Variants in CTNNBL1 observed in about 807,000 individuals in gnomAD.
CTNNBL1 encodes the protein beta-catenin-like protein 1.
CTNNBL1 carries 31 observed loss-of-function variants against 72.7 expected under a neutral mutation model. The ratio of observed to expected loss-of-function variants is 0.43; its 90% confidence interval spans 0.32 to 0.58. The LOEUF (loss-of-function observed/expected upper bound fraction) is 0.58. Among genes scored for constraint, CTNNBL1 ranks in the 20% least tolerant of loss-of-function variants. CTNNBL1 has a pLI of 0.08. For missense variants in CTNNBL1, 534 were observed against 725.1 expected, an observed-to-expected ratio of 0.74 and a Z score of 3.03; for synonymous variants, 240 against 267.3, an observed-to-expected ratio of 0.90 and a Z score of 1.00.
intron 15 of CTNNBL1, among the ~76,000 whole-genome samples, chr20:37,868,769 G>T (rs1443844778): frequency 6.6e-6 from 1 of 152,134 alleles, no homozygotes; most frequent in Non-Finnish European, 1.5e-5. Context: ...TCCCTAGAAA[G>T]AACTCAGGGA....
chr20:37,738,238 A>G (rs1315770054), intron 3 of CTNNBL1, among the ~76,000 whole-genome samples: 4 of 152,256 alleles, frequency 2.6e-5, no homozygotes, highest in Non-Finnish European at 5.9e-5. Flanking sequence ...TGAATAAGTT[A>G]CTTCCCCTTT....
intron 1 of CTNNBL1, among the ~76,000 whole-genome samples, chr20:37,714,588 G>C (rs1041636417): frequency 6.6e-6 from 1 of 152,178 alleles, no homozygotes; most frequent in Non-Finnish European, 1.5e-5. Context: ...AAAGGCTATT[G>C]CTGTCTCTGA....
Position 37,836,627 on chromosome 20 carries a change from A to G in CTNNBL1, c.1214-3475A>G, listed in dbSNP as rs929845279. 3.3e-5 allele frequency among the ~76,000 whole-genome samples: 5 copies of G among 152,144 alleles called. No homozygotes were observed. The South Asian group carries it at 6.2e-4, about 19-fold the overall frequency. On this transcript the variant is annotated intron_variant, in intron 11 of 15. Coordinates refer to ENST00000361383, the MANE Select transcript of CTNNBL1 (RefSeq NM_030877.5). ...GTAATGGAACTTGTTACACAGTGCTATAATTGTTTTGTTTTCTTCACTAAA... is the reference window on the plus strand; with the variant it reads ...GTAATGGAACTTGTTACACAGTGCTGTAATTGTTTTGTTTTCTTCACTAAA...
Position 37,802,954 on chromosome 20 carries a change from T to A in CTNNBL1, c.1119T>A (p.Phe373Leu), listed in dbSNP as rs1170718978. Reference protein sequence around the residue: ...GPEGTDNCHKFVDILGLRTIF... With the variant: ...GPEGTDNCHKLVDILGLRTIF... ...AAGGCACAGACAACTGCCATAAGTT[T>A]GTTGACATTCTTGGCTTACGAACCA... Residue 373 changes from phenylalanine (F) to leucine (L), a missense_variant, in exon 11 of 16, where the codon TTT becomes TTA. By Grantham distance (22) the Phe-to-Leu change is conservative. Coordinates refer to ENST00000361383, the MANE Select transcript of CTNNBL1 (RefSeq NM_030877.5). 1.2e-6 allele frequency: 2 copies of A among 1,614,020 alleles called. No individual in the cohort carries two copies. Among genetic ancestry groups the A allele is most frequent in the African/African-American group, 2.7e-5 (2 of 74,912 alleles).
intron 1 of CTNNBL1, among the ~76,000 whole-genome samples, chr20:37,708,866 C>T (rs1027377982): frequency 7.2e-5 from 11 of 152,078 alleles, no homozygotes; most frequent in African/African-American, 1.2e-4. Context: ...TGGCCAGGCG[C>T]GGTGGCTCAC....
intron 7 of CTNNBL1, among the ~76,000 whole-genome samples, chr20:37,774,887 G>A (rs2122683773): frequency 6.6e-6 from 1 of 152,084 alleles, no homozygotes; most frequent in East Asian, 1.9e-4. Flanking sequence ...CAAATAAGTG[G>A]GATTTTTTTT....
chr20:37,753,646 C>T (rs1415389637), intron 4 of CTNNBL1, among the ~76,000 whole-genome samples: 1 of 152,112 alleles, frequency 6.6e-6, no homozygotes, highest in Non-Finnish European at 1.5e-5. Context: ...AAAATGAAGG[C>T]AATAGTGAGC....
At chr20:37,811,230 C>T (rs1397476404) in intron 11 of CTNNBL1, among the ~76,000 whole-genome samples, 1 of 152,162 alleles carries the variant, frequency 6.6e-6, no homozygotes, top group Non-Finnish European at 1.5e-5. Context: ...CCTATTTCTC[C>T]TCTGTCTAAG....
chr20:37,701,312 T>G (rs2072839785), intron 1 of CTNNBL1, among the ~76,000 whole-genome samples: 1 of 152,214 alleles, frequency 6.6e-6, no homozygotes, highest in South Asian at 2.1e-4. Context: ...GGAGATAACA[T>G]TGTAGTGAAG....
intron 2 of CTNNBL1, among the ~76,000 whole-genome samples, 199 bp from the exon 3 acceptor site, chr20:37,737,179 A>T (rs1339826670): frequency 6.6e-6 from 1 of 152,148 alleles, no homozygotes; most frequent in Non-Finnish European, 1.5e-5. Flanking sequence ...AGCTGAGATC[A>T]TACCACTGTA....
chr20:37,778,885 C>T (rs1038920799), intron 9 of CTNNBL1, among the ~76,000 whole-genome samples: 7 of 151,710 alleles, frequency 4.6e-5, no homozygotes, highest in African/African-American at 1.2e-4. Context: ...TTATATTTCA[C>T]GATAAAAAGA....
At chr20:37,840,001 G>T in intron 11 of CTNNBL1, 101 bp from the exon 12 acceptor site, 1 of 767,770 alleles carries the variant, frequency 1.3e-6, no homozygotes, top group Non-Finnish European at 2.2e-6. Context: ...AGTCAGAAAG[G>T]CCTACTTATT....
rs955504318 is a variant in CTNNBL1 at position 37,760,323 on chromosome 20, G to A, written c.564+2667G>A. On this transcript the variant is annotated intron_variant, in intron 5 of 15. Transcript: ENST00000361383. ...AGTCCCCAAACTTGCCATGTGCTAG[G>A]TAGTCCCATGCCTTCGCTCATGCTT... Among the ~76,000 whole-genome samples, 18 of 152,230 alleles carry A rather than the reference G, an allele frequency of 1.2e-4. No individual in the cohort carries two copies. The South Asian group carries it at 2.1e-3, about 18-fold the overall frequency.
chr20:37,703,747 A>G (rs1047399822), intron 1 of CTNNBL1, among the ~76,000 whole-genome samples: 15 of 151,998 alleles, frequency 9.9e-5, no homozygotes, highest in Non-Finnish European at 1.6e-4. Flanking sequence ...TATTTCTCAA[A>G]GATGAAACGG....
chr20:37,756,819 A>G (rs1047968645), intron 4 of CTNNBL1, among the ~76,000 whole-genome samples: 12 of 145,964 alleles, frequency 8.2e-5, no homozygotes, highest in Non-Finnish European at 1.8e-4. Flanking sequence ...TTTTTTTTCT[A>G]AATGTTTAGT....
chr20:37,795,262 T>C (rs1600492585), intron 10 of CTNNBL1, among the ~76,000 whole-genome samples: 1 of 151,970 alleles, frequency 6.6e-6, no homozygotes, highest in East Asian at 1.9e-4. Flanking sequence ...TCCTCCCACC[T>C]CAGCCTTCCA....
chr20:37,701,145 T>A (rs985378427), intron 1 of CTNNBL1, among the ~76,000 whole-genome samples: 1 of 152,212 alleles, frequency 6.6e-6, no homozygotes, highest in Non-Finnish European at 1.5e-5. Flanking sequence ...ATGTTCTATG[T>A]TTTTAATTTA....
intron 11 of CTNNBL1, among the ~76,000 whole-genome samples, chr20:37,830,941 G>A (rs1462733745): frequency 5.3e-5 from 8 of 152,096 alleles, no homozygotes; most frequent in Admixed American, 3.9e-4. Context: ...TTGCACCATC[G>A]TAAAGACAAA....
intron 4 of CTNNBL1, among the ~76,000 whole-genome samples, chr20:37,756,633 CTTTTTT>C (rs373023677): frequency 7.7e-6 from 1 of 130,066 alleles, no homozygotes; most frequent in Non-Finnish European, 1.6e-5. Context: ...CTCTCCCTTT[CTTTTTT>C]TTTTTTTTTT....
Sources: gnomAD v4.1 joint callset for allele counts (sites outside exome capture counted in the v4.1 genomes callset) on GRCh38, gnomAD v4.1.1 for gene constraint, MANE v1.5 for transcripts, NCBI Gene and HGNC (gene_info 2026-07-23, HGNC 2026-07-21) for gene names.